The following CORIN variants were observed in gnomAD, a reference collection of about 807,000 sequenced individuals.
The protein encoded by CORIN is atrial natriuretic peptide-converting enzyme.
CORIN carries 117 observed loss-of-function variants against 125.3 expected under a neutral mutation model. The ratio of observed to expected loss-of-function variants is 0.93; its 90% CI spans 0.80 to 1.09. CORIN has a LOEUF of 1.09. Among genes scored for constraint, CORIN ranks in the 50% least tolerant of loss-of-function variants. CORIN has a pLI of 0.00. For synonymous variants in CORIN, 450 were observed against 466.4 expected (o/e 0.96, Z 0.45); for missense variants, 1,253 against 1,306.7 (o/e 0.96, Z 0.63).
chr4:47,745,213 T>C (rs1368651806), intron 4 of CORIN, among the ~76,000 whole-genome samples: 1 of 152,236 alleles, frequency 6.6e-6, no homozygotes, highest in Non-Finnish European at 1.5e-5. Flanking sequence ...AGCTTATCTT[T>C]ATTCACTTAA....
intron 2 of CORIN, among the ~76,000 whole-genome samples, chr4:47,799,936 AT>A (rs1731465906): frequency 6.6e-6 from 1 of 152,264 alleles, no homozygotes; most frequent in African/African-American, 2.4e-5. Context: ...TGAAGTATTA[AT>A]ATGTGCTACA....
Position 47,665,158 on chromosome 4 carries a change from C to G in CORIN, c.1463G>C (p.Ser488Thr). ...TGCAGGGAAAAGAGAAGACTCCCAG[C>G]TGATGGATGCTTCCTTTTGAGTCCT... ...GHRTQKEASI[S>T]WESSLFPALV... The change falls in exon 11 of 22, where the codon AGC becomes ACC. Residue 488 changes from serine to threonine, a missense_variant. Ser to Thr is a moderately conservative substitution (Grantham distance 58). Coordinates refer to ENST00000273857, the MANE Select transcript of CORIN (RefSeq NM_006587.4). The G allele has an allele frequency of 6.2e-7, 1 of 1,613,934 alleles. No individual in the cohort carries two copies. The highest frequency in any genetic ancestry group is 8.5e-7 in the Non-Finnish European group (1 of 1,179,848).
intron 5 of CORIN, among the ~76,000 whole-genome samples, chr4:47,727,018 C>T (rs1228274881): frequency 6.6e-6 from 1 of 151,778 alleles, no homozygotes; most frequent in Non-Finnish European, 1.5e-5. Flanking sequence ...TTTGATAAAT[C>T]CTGGCAATAT....
chr4:47,696,981 A>C (rs935629307), intron 5 of CORIN, among the ~76,000 whole-genome samples: 4 of 152,152 alleles, frequency 2.6e-5, no homozygotes, highest in African/African-American at 9.7e-5. Context: ...TGAAAGTCAA[A>C]AGCTCAGTTT....
chr4:47,662,491 CTT>C (rs1015364405), intron 11 of CORIN, among the ~76,000 whole-genome samples: 1 of 152,084 alleles, frequency 6.6e-6, no homozygotes, highest in African/African-American at 2.4e-5. Context: ...CGTATTATGT[CTT>C]TTGTCTCCAG....
chr4:47,657,578 T>C (rs1478149985), intron 12 of CORIN, among the ~76,000 whole-genome samples: 3 of 148,692 alleles, frequency 2.0e-5, no homozygotes, highest in Non-Finnish European at 4.5e-5. Flanking sequence ...TGATAGTGCA[T>C]AATTTATAAA....
chr4:47,634,501 G>A (rs989066229), intron 16 of CORIN, among the ~76,000 whole-genome samples: 30 of 152,144 alleles, frequency 2.0e-4, no homozygotes, highest in African/African-American at 6.5e-4. Context: ...AGGCATGGTG[G>A]TGAGTGCCTG....
intron 1 of CORIN, among the ~76,000 whole-genome samples, chr4:47,812,899 A>T (rs1431016750): frequency 6.6e-6 from 1 of 152,240 alleles, no homozygotes; most frequent in East Asian, 1.9e-4. Context: ...TACAGAGTCT[A>T]TTCCTAAATC....
intron 5 of CORIN, among the ~76,000 whole-genome samples, chr4:47,722,396 C>A (rs543677982): frequency 6.6e-6 from 1 of 152,206 alleles, no homozygotes; most frequent in African/African-American, 2.4e-5. Context: ...CCGCCCTTTT[C>A]GCAATGTTCC....
chr4:47,634,590 C>T (rs551835631), intron 16 of CORIN, among the ~76,000 whole-genome samples: 1 of 152,302 alleles, frequency 6.6e-6, no homozygotes, highest in Admixed American at 6.5e-5. Context: ...GCCAAGATCA[C>T]ACCATTGCAC....
intron 5 of CORIN, among the ~76,000 whole-genome samples, chr4:47,713,865 C>T (rs764282442): frequency 4.1e-4 from 63 of 151,876 alleles, no homozygotes; most frequent in African/African-American, 1.5e-3. Flanking sequence ...CATAAATGAA[C>T]ATCTATTTAG....
At chr4:47,816,607 A>G (rs1732279131) in intron 1 of CORIN, among the ~76,000 whole-genome samples, 2 of 152,212 alleles carry the variant, frequency 1.3e-5, no homozygotes. Flanking sequence ...CAAATCAACC[A>G]TAGGTGCAGT....
At chr4:47,833,874 T>G (rs572162249) in intron 1 of CORIN, among the ~76,000 whole-genome samples, 6 of 152,314 alleles carry the variant, frequency 3.9e-5, no homozygotes, top group African/African-American at 9.6e-5. Context: ...CCTTTGCCAC[T>G]GTTAATGTGA....
intron 20 of CORIN, 53 bp downstream of exon 20, chr4:47,603,344 C>A (rs2109509563): frequency 1.3e-6 from 2 of 1,552,324 alleles, no homozygotes; most frequent in South Asian, 1.2e-5. Flanking sequence ...AAATTACCCA[C>A]TCTCAGGTAT....
chr4:47,625,213 C>T (rs578109874), intron 17 of CORIN, among the ~76,000 whole-genome samples: 1 of 152,216 alleles, frequency 6.6e-6, no homozygotes, highest in East Asian at 1.9e-4. Context: ...TCTACATCCC[C>T]TCAAAGCCTA....
At chr4:47,636,552 G>A (rs989696540) in intron 16 of CORIN, among the ~76,000 whole-genome samples, 1 of 152,190 alleles carries the variant, frequency 6.6e-6, no homozygotes, top group Non-Finnish European at 1.5e-5. Context: ...GAAACTGGTA[G>A]GAGGTGATTG....
chr4:47,734,178 G>C (rs1353338665), intron 5 of CORIN, among the ~76,000 whole-genome samples: 1 of 152,138 alleles, frequency 6.6e-6, no homozygotes, highest in Non-Finnish European at 1.5e-5. Context: ...ATAATACCTT[G>C]GAGATTTACT....
intron 16 of CORIN, among the ~76,000 whole-genome samples, chr4:47,626,967 T>G (rs1382991760): frequency 6.9e-6 from 1 of 145,158 alleles, no homozygotes; most frequent in Non-Finnish European, 1.5e-5. Context: ...TTTCTATGTT[T>G]GTAGGTTGTT....
At chr4:47,736,655 C>A (rs990508798) in intron 5 of CORIN, among the ~76,000 whole-genome samples, 1 of 152,122 alleles carries the variant, frequency 6.6e-6, no homozygotes, top group Non-Finnish European at 1.5e-5. Context: ...TTCTGGTAGA[C>A]CCCAGTATCA....
Sources: allele counts gnomAD v4.1 joint callset (sites outside exome capture counted in the v4.1 genomes callset), GRCh38; gene constraint gnomAD v4.1.1; transcripts MANE v1.5; gene names NCBI Gene and HGNC (gene_info 2026-07-23, HGNC 2026-07-21).